The following CAMK4 variants were observed in gnomAD, a reference collection of about 807,000 sequenced individuals.
CAMK4 encodes calcium/calmodulin-dependent protein kinase type IV.
In CAMK4, 22 loss-of-function variants were observed where a neutral mutation model predicts 44.9. The observed-to-expected ratio is 0.49, with a 90% CI of 0.35 to 0.70. The LOEUF (loss-of-function observed/expected upper bound fraction) is 0.70, where lower values mean the gene tolerates loss of function less well. Ranked by LOEUF, CAMK4 falls within the 30% of genes least tolerant of loss-of-function variation. The pLI is 0.01. For missense variants in CAMK4, 498 were observed against 586.8 expected (o/e 0.85, Z 1.56); for synonymous variants, 218 against 215.4 (o/e 1.01, Z -0.11).
At chr5:111,315,082 C>T (rs951236744) in intron 1 of CAMK4, among the ~76,000 whole-genome samples, 15 of 151,912 alleles carry the variant, frequency 9.9e-5, no homozygotes, top group Non-Finnish European at 1.9e-4. Context: ...TGCTTATTGC[C>T]GAATTAGCTG....
intron 1 of CAMK4, among the ~76,000 whole-genome samples, chr5:111,326,164 T>C (rs148257520): frequency 5.3e-5 from 8 of 151,976 alleles, no homozygotes; most frequent in African/African-American, 1.9e-4. Flanking sequence ...TTTAAAATGC[T>C]AAAAGTTGGC....
chr5:111,418,688 C>T (rs307529), intron 5 of CAMK4, among the ~76,000 whole-genome samples: 38,116 of 149,404 alleles, frequency 0.26, 5,201 homozygotes, highest in Non-Finnish European at 0.31. Context: ...TGAGAACATG[C>T]GGTGTTTGGT....
At chr5:111,462,757 A>C (rs191158677) in intron 7 of CAMK4, among the ~76,000 whole-genome samples, 145 of 152,326 alleles carry the variant, frequency 9.5e-4, no homozygotes, top group African/African-American at 3.3e-3. Flanking sequence ...TGGTCCCTGT[A>C]AGTGAGCCCT....
At chr5:111,346,332 T>C (rs1169713915) in intron 2 of CAMK4, among the ~76,000 whole-genome samples, 1 of 152,024 alleles carries the variant, frequency 6.6e-6, no homozygotes, top group Non-Finnish European at 1.5e-5. Flanking sequence ...ATTGCCTTTA[T>C]TAATGCAATT....
chr5:111,360,825 C>A (rs1445189902), intron 2 of CAMK4, among the ~76,000 whole-genome samples: 1 of 152,042 alleles, frequency 6.6e-6, no homozygotes, highest in East Asian at 1.9e-4. Flanking sequence ...ATCTAGACTT[C>A]TACATCTAGA....
At chr5:111,411,080 A>C (rs1030792286) in intron 5 of CAMK4, among the ~76,000 whole-genome samples, 3 of 152,156 alleles carry the variant, frequency 2.0e-5, no homozygotes, top group African/African-American at 7.2e-5. Flanking sequence ...ATTTGTCAAC[A>C]ATCTTCCAAA....
At chr5:111,443,225 T>A (rs868753749) in intron 5 of CAMK4, among the ~76,000 whole-genome samples, 5 of 108,480 alleles carry the variant, frequency 4.6e-5, no homozygotes, top group African/African-American at 1.6e-4. Context: ...TCAGATATAT[T>A]TAAATGCCTC....
At chr5:111,447,718 A>T (rs996614718) in intron 6 of CAMK4, among the ~76,000 whole-genome samples, 11 of 152,210 alleles carry the variant, frequency 7.2e-5, no homozygotes, top group African/African-American at 2.4e-4. Flanking sequence ...TAATCTGCGA[A>T]GTTCACTGCA....
At position 111,255,072 on chromosome 5, in the gene CAMK4, A is replaced by C. The variant is rs190289146; in HGVS notation, c.161+30428A>C. ...TTTTACTTAGTACTTAAAAAAAAAA[A>C]AGAATGGTTTTATGTGGTGTTTAAA... On this transcript the variant is annotated intron_variant, in intron 1 of 10. Transcript: ENST00000282356. 1.5e-3 allele frequency among the ~76,000 whole-genome samples: 230 copies of C among 152,238 alleles called. 1 individual carries two copies. The highest frequency in any genetic ancestry group is 4.7e-3 in the African/African-American group (196 of 41,558).
At chr5:111,261,176 G>A (rs1401479006) in intron 1 of CAMK4, among the ~76,000 whole-genome samples, 2 of 152,142 alleles carry the variant, frequency 1.3e-5, no homozygotes. Context: ...CCCAAACTCA[G>A]TTATTGCCTT....
At chr5:111,329,638 A>T (rs1346525091) in intron 1 of CAMK4, among the ~76,000 whole-genome samples, 2 of 151,822 alleles carry the variant, frequency 1.3e-5, no homozygotes, top group African/African-American at 4.8e-5. Flanking sequence ...TCATCAGCAA[A>T]TGGGGATTAT....
chr5:111,366,977 T>TG (rs914698705), intron 2 of CAMK4, among the ~76,000 whole-genome samples: 4 of 151,842 alleles, frequency 2.6e-5, no homozygotes, highest in African/African-American at 9.7e-5. Flanking sequence ...CCAATCCATT[T>TG]GATGGCTATC....
chr5:111,423,973 G>A lies in CAMK4; in HGVS notation c.460-22713G>A, dbSNP rs72780395. On this transcript the variant is annotated intron_variant, in intron 5 of 10. Transcript: ENST00000282356. ...ATACGAGGAGACCAAGACTCAGAGA[G>A]GTTAAGTAACTTTTCCAAGATCACA... Among the ~76,000 whole-genome samples the A allele has an allele frequency of 6.9e-3, 1,043 of 152,256 alleles. 3 individuals carry two copies. The highest frequency in any genetic ancestry group is 0.011 in the Non-Finnish European group (724 of 68,022).
At chr5:111,402,478 G>A (rs549950218) in intron 5 of CAMK4, among the ~76,000 whole-genome samples, 1 of 152,346 alleles carries the variant, frequency 6.6e-6, no homozygotes, top group South Asian at 2.1e-4. Flanking sequence ...AGTACTGAGT[G>A]TTATGCTTAA....
chr5:111,292,770 AAAAAG>A (rs1426783063), intron 1 of CAMK4, among the ~76,000 whole-genome samples: 4 of 151,984 alleles, frequency 2.6e-5, no homozygotes, highest in African/African-American at 9.7e-5. Flanking sequence ...AATAATAACA[AAAAAG>A]AAAATATTAG....
intron 5 of CAMK4, among the ~76,000 whole-genome samples, chr5:111,405,766 T>C (rs1277707948): frequency 6.6e-6 from 1 of 152,122 alleles, no homozygotes; most frequent in African/African-American, 2.4e-5. Flanking sequence ...ATCACCCTGA[T>C]GGCAGCATGA....
intron 1 of CAMK4, among the ~76,000 whole-genome samples, chr5:111,298,059 A>G (rs1446389088): frequency 2.0e-5 from 3 of 152,216 alleles, no homozygotes; most frequent in Admixed American, 1.3e-4. Flanking sequence ...TGTCCTCACC[A>G]TAGCACCTAA....
intron 5 of CAMK4, among the ~76,000 whole-genome samples, chr5:111,416,315 C>G (rs932161074): frequency 2.0e-5 from 3 of 152,182 alleles, no homozygotes; most frequent in African/African-American, 7.2e-5. Context: ...GTGGTTATTT[C>G]TTGCCAGAGG....
At chr5:111,406,171 C>A (rs1350765962) in intron 5 of CAMK4, among the ~76,000 whole-genome samples, 3 of 147,432 alleles carry the variant, frequency 2.0e-5, no homozygotes, top group African/African-American at 7.7e-5. Context: ...TCTTCCACTC[C>A]TGTTTCCTTC....
Sources: gnomAD v4.1 joint callset for allele counts (sites outside exome capture counted in the v4.1 genomes callset) on GRCh38, gnomAD v4.1.1 for gene constraint, MANE v1.5 for transcripts, NCBI Gene and HGNC (gene_info 2026-07-23, HGNC 2026-07-21) for gene names.